CTTNBP2: variants seen among roughly 807,000 people sequenced by gnomAD.
CTTNBP2 encodes cortactin-binding protein 2.
A neutral mutation model predicts 156.9 loss-of-function variants in CTTNBP2; 108 were observed. The observed-to-expected ratio is 0.69, with a 90% CI of 0.59 to 0.81. The LOEUF is 0.81. Ranked by LOEUF, CTTNBP2 falls within the 30% of genes least tolerant of loss-of-function variation. The pLI, the probability that CTTNBP2 is intolerant of heterozygous loss-of-function variation, is 0.00. For missense variants in CTTNBP2, 1,924 were observed against 2,035.4 expected (o/e 0.95, Z 1.05); for synonymous variants, 767 against 751.8 (o/e 1.02, Z -0.33).
intron 2 of CTTNBP2, among the ~76,000 whole-genome samples, chr7:117,817,258 C>T (rs867029499): frequency 4.2e-4 from 61 of 146,130 alleles, no homozygotes; most frequent in South Asian, 6.7e-4. Context: ...GGCGTAAACC[C>T]GGAAGGCGGA....
At position 117,791,218 on chromosome 7, in the gene CTTNBP2, T is replaced by C. The variant is rs539269785; in HGVS notation, c.1978A>G (p.Thr660Ala). ...ATGGAAGAGCAAAAGGCAATGGTGGTAGGAATGACAAGGGAACTGTCTGAA... is the reference window on the plus strand; with the variant it reads ...ATGGAAGAGCAAAAGGCAATGGTGGCAGGAATGACAAGGGAACTGTCTGAA... Reference protein sequence around the residue: ...ACSDSSLVIPTTIAFCSSINP... With the variant: ...ACSDSSLVIPATIAFCSSINP... The change falls in exon 4 of 23, where the codon ACC (threonine) becomes GCC (alanine). Residue 660 changes from threonine (T) to alanine (A), a missense_variant. Physicochemically the swap from Thr to Ala is moderately conservative, Grantham distance 58. Coordinates refer to ENST00000160373, the MANE Select transcript of CTTNBP2 (RefSeq NM_033427.3). 6.2e-7 allele frequency: 1 copy of C among 1,613,988 alleles called. No homozygotes were observed. The highest frequency in any genetic ancestry group is 1.7e-5 in the Admixed American group (1 of 60,024).
chr7:117,813,718 A>T (rs1255734871), intron 2 of CTTNBP2, among the ~76,000 whole-genome samples: 1 of 152,138 alleles, frequency 6.6e-6, no homozygotes, highest in Non-Finnish European at 1.5e-5. Context: ...TCTGCAGGAA[A>T]AACCTATTGT....
chr7:117,733,985 G>A (rs143561604), intron 16 of CTTNBP2, among the ~76,000 whole-genome samples: 1 of 152,354 alleles, frequency 6.6e-6, no homozygotes, highest in African/African-American at 2.4e-5. Flanking sequence ...ATAAGGAAGA[G>A]ACTGAGGAAG....
At chr7:117,733,285 C>T (rs1310711601) in intron 16 of CTTNBP2, among the ~76,000 whole-genome samples, 1 of 152,066 alleles carries the variant, frequency 6.6e-6, no homozygotes, top group African/African-American at 2.4e-5. Context: ...TTCCTTTTTT[C>T]CAGTTTCTAT....
At chr7:117,797,125 G>A (rs1182754588) in intron 3 of CTTNBP2, among the ~76,000 whole-genome samples, 1 of 152,142 alleles carries the variant, frequency 6.6e-6, no homozygotes, top group African/African-American at 2.4e-5. Flanking sequence ...CAATGCACTG[G>A]TGATATGGGC....
intron 2 of CTTNBP2, among the ~76,000 whole-genome samples, chr7:117,839,185 TCTCCTC>T (rs1251469536): frequency 4.1e-4 from 63 of 152,256 alleles, no homozygotes; most frequent in South Asian, 2.3e-3. Flanking sequence ...CATAGTGTGT[TCTCCTC>T]ACCTGTCTGG....
chr7:117,779,441 GT>G (rs1438472811), intron 7 of CTTNBP2, among the ~76,000 whole-genome samples: 2 of 152,094 alleles, frequency 1.3e-5, no homozygotes, highest in Non-Finnish European at 2.9e-5. Flanking sequence ...TCAGCAACTA[GT>G]TGGAGAGAAT....
chr7:117,746,854 T>C (rs573961551), intron 12 of CTTNBP2, among the ~76,000 whole-genome samples: 2 of 152,344 alleles, frequency 1.3e-5, no homozygotes, highest in East Asian at 3.9e-4. Context: ...TGTATGCTTA[T>C]ATATATTTTT....
intron 2 of CTTNBP2, among the ~76,000 whole-genome samples, chr7:117,858,113 G>A (rs1280142389): frequency 6.6e-6 from 1 of 152,174 alleles, no homozygotes; most frequent in African/African-American, 2.4e-5. Flanking sequence ...GCTCACGCCT[G>A]TAATCCCAGC....
At chr7:117,790,310 C>CA (rs1798920134) in intron 4 of CTTNBP2, among the ~76,000 whole-genome samples, 1 of 152,212 alleles carries the variant, frequency 6.6e-6, no homozygotes, top group African/African-American at 2.4e-5. Flanking sequence ...TTTAGAGCCA[C>CA]ATTTGCTTAG....
chr7:117,760,835 T>A, intron 9 of CTTNBP2, 125 bp from the exon 10 acceptor site: 1 of 672,852 alleles, frequency 1.5e-6, no homozygotes, highest in Non-Finnish European at 2.5e-6. Flanking sequence ...TTTATTTCAT[T>A]AAATAACATT....
At chr7:117,852,930 G>C (rs1485817644) in intron 2 of CTTNBP2, among the ~76,000 whole-genome samples, 1 of 152,100 alleles carries the variant, frequency 6.6e-6, no homozygotes, top group African/African-American at 2.4e-5. Flanking sequence ...CTAAGGTTAG[G>C]AGTCAGACAG....
chr7:117,778,382 T>C (rs780152624), intron 7 of CTTNBP2, among the ~76,000 whole-genome samples: 1 of 152,214 alleles, frequency 6.6e-6, no homozygotes, highest in African/African-American at 2.4e-5. Flanking sequence ...TTAGAAAATG[T>C]TTCAACTAAA....
chr7:117,722,995 A>G (rs1220349873), intron 19 of CTTNBP2, among the ~76,000 whole-genome samples: 1 of 152,204 alleles, frequency 6.6e-6, no homozygotes, highest in Non-Finnish European at 1.5e-5. Context: ...AAGGACTAAG[A>G]GCAAATGAAA....
chr7:117,729,499 C>A (rs1584907955), intron 16 of CTTNBP2, among the ~76,000 whole-genome samples: 1 of 152,022 alleles, frequency 6.6e-6, no homozygotes, highest in African/African-American at 2.4e-5. Flanking sequence ...GTATTCTATG[C>A]CTATTTGTTA....
At chr7:117,724,278 GAAAC>G (rs1231542911) in intron 19 of CTTNBP2, among the ~76,000 whole-genome samples, 5 of 151,858 alleles carry the variant, frequency 3.3e-5, no homozygotes, top group African/African-American at 1.2e-4. Flanking sequence ...AACACCAAGA[GAAAC>G]AAAATAATAA....
At chr7:117,864,725 C>CATATATATTCATTCAAT (rs1563077769) in intron 1 of CTTNBP2, among the ~76,000 whole-genome samples, 7 of 91,052 alleles carry the variant, frequency 7.7e-5, no homozygotes, top group Non-Finnish European at 1.3e-4. Flanking sequence ...TTCATATATA[C>CATATATATTCATTCAAT]ATATATTCAT....
chr7:117,802,754 T>C (rs1799704922), intron 3 of CTTNBP2, among the ~76,000 whole-genome samples: 1 of 152,128 alleles, frequency 6.6e-6, no homozygotes, highest in Admixed American at 6.6e-5. Flanking sequence ...CAAAAGAAGA[T>C]ATACGAGTAG....
At chr7:117,715,594 G>A (rs1794308175) in intron 22 of CTTNBP2, among the ~76,000 whole-genome samples, 1 of 151,210 alleles carries the variant, frequency 6.6e-6, no homozygotes, top group Admixed American at 6.6e-5. Context: ...ATTAACATTT[G>A]TTCTTCCTGT....
Sources: gnomAD v4.1 joint callset for allele counts (sites outside exome capture counted in the v4.1 genomes callset) on GRCh38, gnomAD v4.1.1 for gene constraint, MANE v1.5 for transcripts, NCBI Gene and HGNC (gene_info 2026-07-23, HGNC 2026-07-21) for gene names.